Variants in PRKCI observed in about 807,000 individuals in gnomAD.
The protein encoded by PRKCI is protein kinase C iota, also known as protein kinase C iota type.
A neutral mutation model predicts 84.0 loss-of-function variants in PRKCI; 43 were observed. That is an observed-to-expected ratio of 0.51 (90% CI 0.40 to 0.66). The LOEUF is 0.66. PRKCI is among the 30% of genes least tolerant of loss of function. The pLI, the probability that PRKCI is intolerant of heterozygous loss-of-function variation, is 0.00. For missense variants in PRKCI, 459 were observed against 745.6 expected, an observed-to-expected ratio of 0.62 and a Z score of 4.48; for synonymous variants, 216 against 234.4, an observed-to-expected ratio of 0.92 and a Z score of 0.72.
At position 170,259,792 on chromosome 3, in the gene PRKCI, G is replaced by A. The variant is rs541918704; in HGVS notation, c.224-177G>A. Among the ~76,000 whole-genome samples the A allele has an allele frequency of 4.6e-5, 7 of 152,200 alleles. No homozygotes were observed. The South Asian group carries it at 1.2e-3, about 27-fold the overall frequency. On this transcript the variant is annotated intron_variant, in intron 2 of 17. Coordinates refer to ENST00000295797, the MANE Select transcript of PRKCI (RefSeq NM_002740.6). ...CTGCACTCCAGCCTGGGTGGCAAGA[G>A]CAAAACTCTGTCTCCAAATAATAAT...
At chr3:170,237,796 T>C (rs1476953132) in intron 2 of PRKCI, among the ~76,000 whole-genome samples, 1 of 152,178 alleles carries the variant, frequency 6.6e-6, no homozygotes, top group Non-Finnish European at 1.5e-5. Context: ...AAAAAAGTAG[T>C]GCAAAAATTT....
rs999400234 is a variant in PRKCI at position 170,303,230 on chromosome 3, CA to C, written c.*110del. On this transcript the variant is annotated 3_prime_UTR_variant, in exon 18 of 18. Coordinates refer to ENST00000295797, the MANE Select transcript of PRKCI (RefSeq NM_002740.6). Reference sequence around the variant, plus strand: ...TTAACCATTTTATATTTGCCACCTACAAAAAAACACCCAATATCTTCTCTTG... The same window carrying C: ...TTAACCATTTTATATTTGCCACCTACAAAAAACACCCAATATCTTCTCTTG... The C allele has an allele frequency of 4.3e-6, 3 of 701,138 alleles. No homozygotes were observed. Among genetic ancestry groups the C allele is most frequent in the Non-Finnish European group, 4.6e-6 (2 of 437,336 alleles). 43.4% of individuals were successfully genotyped at this position (701,138 alleles called of 1,614,324 possible). A position where few individuals can be genotyped will look rare whatever the true frequency, so the allele number is the denominator to read the frequency against.
intron 4 of PRKCI, among the ~76,000 whole-genome samples, chr3:170,264,152 C>A (rs1417581704): frequency 6.6e-6 from 1 of 151,602 alleles, no homozygotes; most frequent in Non-Finnish European, 1.5e-5. Flanking sequence ...CACAGTTATA[C>A]ATAACAAACA....
chr3:170,293,135 A>G (rs1324444208), intron 13 of PRKCI, among the ~76,000 whole-genome samples: 2 of 152,104 alleles, frequency 1.3e-5, no homozygotes, highest in Non-Finnish European at 2.9e-5. Context: ...TGAGTCTGAA[A>G]GTAGAAATAC....
chr3:170,261,108 G>A (rs1249403544), intron 3 of PRKCI, among the ~76,000 whole-genome samples: 2 of 150,366 alleles, frequency 1.3e-5, no homozygotes, highest in East Asian at 2.0e-4. Flanking sequence ...AGGCACTGCC[G>A]CACCACTATG....
At chr3:170,223,592 C>T (rs1170315065) in intron 1 of PRKCI, among the ~76,000 whole-genome samples, 1 of 152,138 alleles carries the variant, frequency 6.6e-6, no homozygotes, top group Admixed American at 6.6e-5. Context: ...AAGTGCCCCC[C>T]TTCCTTTAAA....
chr3:170,261,493 A>T (rs1705593), intron 3 of PRKCI, among the ~76,000 whole-genome samples: 1 of 147,652 alleles, frequency 6.8e-6, no homozygotes, highest in Non-Finnish European at 1.5e-5. Flanking sequence ...TTGATTTTAT[A>T]TTTTATTTGA....
intron 1 of PRKCI, among the ~76,000 whole-genome samples, chr3:170,224,684 C>T (rs1020652562): frequency 1.2e-4 from 19 of 152,052 alleles, no homozygotes; most frequent in African/African-American, 3.6e-4. Flanking sequence ...CCACCACACC[C>T]GGCTAATTTT....
chr3:170,264,113 T>C (rs1344031876), intron 4 of PRKCI, among the ~76,000 whole-genome samples: 2 of 152,218 alleles, frequency 1.3e-5, no homozygotes, highest in East Asian at 3.8e-4. Flanking sequence ...GCTTTATCTC[T>C]GTATCTGTCT....
At position 170,250,443 on chromosome 3, in the gene PRKCI, C is replaced by A. The variant is rs569334388; in HGVS notation, c.224-9526C>A. Among the ~76,000 whole-genome samples, 7 of 104,526 alleles carry A rather than the reference C, an allele frequency of 6.7e-5. No homozygotes were observed. The East Asian group carries it at 2.1e-3, about 32-fold the overall frequency. 68.6% of individuals were successfully genotyped at this position (104,526 alleles called of 152,430 possible). ...CATTTTCATTACCAACCCCCCCCCCCCAAAAAAAAATCTCGTGTCTATTAG... is the reference window on the plus strand; with the variant it reads ...CATTTTCATTACCAACCCCCCCCCCACAAAAAAAAATCTCGTGTCTATTAG... On this transcript the variant is annotated intron_variant, in intron 2 of 17. Coordinates refer to ENST00000295797, the MANE Select transcript of PRKCI (RefSeq NM_002740.6).
At chr3:170,230,136 A>C (rs2108834732) in intron 1 of PRKCI, among the ~76,000 whole-genome samples, 1 of 151,456 alleles carries the variant, frequency 6.6e-6, no homozygotes, top group Non-Finnish European at 1.5e-5. Context: ...TTTCATCTAA[A>C]AATATTCTAT....
intron 1 of PRKCI, among the ~76,000 whole-genome samples, chr3:170,225,982 G>A (rs1050827808): frequency 4.6e-5 from 7 of 151,496 alleles, no homozygotes; most frequent in South Asian, 2.1e-4. Context: ...GCGTGATCTC[G>A]GCTCATTGCA....
rs17855494 is a variant in PRKCI at position 170,295,946 on chromosome 3, C to T, written c.1453C>T (p.Leu485=). 3.2e-6 allele frequency: 5 copies of T among 1,574,624 alleles called. No homozygotes were observed. Among genetic ancestry groups the T allele is most frequent in the Non-Finnish European group, 4.3e-6 (5 of 1,156,208 alleles). ...LEKQIRIPRS[L]SVKAASVLKS... ...AAAACAAATTCGCATACCACGTTCT[C>T]TGTCTGTAAAAGCTGCAAGTGTTCT... The change falls in exon 15 of 18, where the codon CTG becomes TTG. Residue 485 remains leucine (L), a synonymous_variant. Coordinates refer to ENST00000295797, the MANE Select transcript of PRKCI (RefSeq NM_002740.6).
At chr3:170,296,370 T>C (rs1734685756) in intron 15 of PRKCI, among the ~76,000 whole-genome samples, 1 of 152,228 alleles carries the variant, frequency 6.6e-6, no homozygotes, top group African/African-American at 2.4e-5. Flanking sequence ...CCATGTACTT[T>C]TTGAGCACGT....
At chr3:170,259,160 A>T (rs1368688749) in intron 2 of PRKCI, among the ~76,000 whole-genome samples, 1 of 152,156 alleles carries the variant, frequency 6.6e-6, no homozygotes, top group Non-Finnish European at 1.5e-5. Flanking sequence ...AAAAGAAAAA[A>T]AATGTGGTCA....
In PRKCI at chr3:170,304,606, TTTTA is replaced by T. The variant is rs2108870674; in HGVS notation, c.*1482_*1485del. Reference sequence around the variant, plus strand: ...CACAGTATCAGCTCTTTCAGTGAGTTTTTATTAACTAGATAACACATGTAATACA... The same window carrying T: ...CACAGTATCAGCTCTTTCAGTGAGTTTTAACTAGATAACACATGTAATACA... On this transcript the variant is annotated 3_prime_UTR_variant, in exon 18 of 18. Coordinates refer to ENST00000295797, the MANE Select transcript of PRKCI (RefSeq NM_002740.6). 6.6e-6 allele frequency: 1 copy of T among 152,256 alleles called. No homozygotes were observed. The highest frequency in any genetic ancestry group is 2.4e-5 in the African/African-American group (1 of 41,572). The allele number at this position is 152,256 out of a possible 1,614,324, so 9.4% of individuals were successfully genotyped here.
At chr3:170,268,057 C>T in intron 5 of PRKCI, 57 bp downstream of exon 5, 1 of 1,365,430 alleles carries the variant, frequency 7.3e-7, no homozygotes, top group East Asian at 2.3e-5. Flanking sequence ...TCCCTTTCTA[C>T]TATGAAAGAA....
intron 7 of PRKCI, among the ~76,000 whole-genome samples, chr3:170,273,777 T>G (rs1734051794): frequency 6.7e-6 from 1 of 148,616 alleles, no homozygotes; most frequent in East Asian, 2.0e-4. Flanking sequence ...ATCATGCCAC[T>G]GCACTCTAGC....
intron 1 of PRKCI, among the ~76,000 whole-genome samples, chr3:170,230,190 G>A (rs369751518): frequency 1.4e-5 from 2 of 139,158 alleles, no homozygotes; most frequent in East Asian, 2.2e-4. Context: ...TTTTGAGACA[G>A]AGTCTTGCTT....
Sources: allele counts gnomAD v4.1 joint callset (sites outside exome capture counted in the v4.1 genomes callset), GRCh38; gene constraint gnomAD v4.1.1; transcripts MANE v1.5; gene names NCBI Gene and HGNC (gene_info 2026-07-23, HGNC 2026-07-21).